The following IL12RB2 variants were observed in gnomAD, a reference collection of about 807,000 sequenced individuals.
The protein encoded by IL12RB2 is interleukin 12 receptor subunit beta 2.
Under a neutral mutation model 89.4 loss-of-function variants are expected in IL12RB2, and 82 were observed. That is an observed-to-expected ratio of 0.92 (90% CI 0.77 to 1.10). The LOEUF is 1.10. Among genes scored for constraint, IL12RB2 ranks in the 50% least tolerant of loss-of-function variants. The pLI, the probability that IL12RB2 is intolerant of heterozygous loss-of-function variation, is 0.00. For missense variants in IL12RB2, 963 were observed against 1,031.9 expected, an observed-to-expected ratio of 0.93 and a Z score of 0.92; for synonymous variants, 368 against 370.1, an observed-to-expected ratio of 0.99 and a Z score of 0.07.
rs1465142208 is a variant in IL12RB2 at position 67,396,072 on chromosome 1, G to A, written c.2572G>A (p.Asp858Asn). Reference sequence around the variant, plus strand: ...TCTGGATCAGTTAAAGATGAGGTGTGACTCCCTCATGCTCTGAGTGGTGAG... The same window carrying A: ...TCTGGATCAGTTAAAGATGAGGTGTAACTCCCTCATGCTCTGAGTGGTGAG... Reference protein sequence around the residue: ...LTLDQLKMRCDSLML With the variant: ...LTLDQLKMRCNSLML The change falls in exon 17 of 17, where the codon GAC becomes AAC. Residue 858 changes from aspartate (D) to asparagine (N), a missense_variant. Asp to Asn is a conservative substitution (Grantham distance 23). Transcript: ENST00000674203. 2 of 1,597,848 alleles carry A rather than the reference G, an allele frequency of 1.3e-6. No individual in the cohort carries two copies. The highest frequency in any genetic ancestry group is 1.7e-6 in the Non-Finnish European group (2 of 1,165,176).
intron 16 of IL12RB2, among the ~76,000 whole-genome samples, chr1:67,394,068 G>A (rs1240320879): frequency 2.6e-5 from 4 of 152,178 alleles, no homozygotes; most frequent in African/African-American, 9.7e-5. Flanking sequence ...GACAGTGGGA[G>A]GCACACACAA....
chr1:67,368,067 C>A, intron 11 of IL12RB2, 42 bp downstream of exon 11: 1 of 1,313,578 alleles, frequency 7.6e-7, no homozygotes, highest in South Asian at 1.2e-5. Context: ...TTACTAAGTT[C>A]ACATTTGTTT....
chr1:67,339,736 G>A (rs1399522294), intron 9 of IL12RB2, among the ~76,000 whole-genome samples: 1 of 152,114 alleles, frequency 6.6e-6, no homozygotes, highest in Non-Finnish European at 1.5e-5. Flanking sequence ...ATGAATGAGT[G>A]AATGAAAAAA....
In IL12RB2 at chr1:67,372,475, A is replaced by G. The variant is rs1189721571; in HGVS notation, c.1499A>G (p.Tyr500Cys). ...KSYICYEIRVYALSGDQGGCS... is the reference protein window; with the variant it reads ...KSYICYEIRVCALSGDQGGCS... ...TACATCTGTTATGAAATCCGTGTGT[A>G]TGCACTCTCAGGGGATCAAGGAGGA... The change falls in exon 12 of 17, where the codon TAT becomes TGT. Residue 500 changes from tyrosine to cysteine, a missense_variant. Coordinates refer to ENST00000674203, the MANE Select transcript of IL12RB2 (RefSeq NM_001374259.2). The G allele has an allele frequency of 6.3e-7, 1 of 1,597,552 alleles. No homozygotes were observed. Among genetic ancestry groups the G allele is most frequent in the South Asian group, 1.1e-5 (1 of 90,736 alleles).
chr1:67,344,948 C>T (rs542417068), intron 9 of IL12RB2, among the ~76,000 whole-genome samples: 4 of 152,078 alleles, frequency 2.6e-5, no homozygotes, highest in East Asian at 3.9e-4. Flanking sequence ...TTTGGGAGGC[C>T]GAGGTGGGAG....
chr1:67,367,462 GGGAAGGAAGGAA>G (rs55681603), intron 10 of IL12RB2, among the ~76,000 whole-genome samples: 1 of 127,290 alleles, frequency 7.9e-6, no homozygotes, highest in African/African-American at 3.1e-5. Context: ...AAAGGAACGA[GGGAAGGAAGGAA>G]GGAAGGAAGG....
intron 7 of IL12RB2, among the ~76,000 whole-genome samples, chr1:67,330,273 T>TA (rs66726768): frequency 1.5e-4 from 23 of 150,510 alleles, no homozygotes; most frequent in Admixed American, 7.9e-4. Flanking sequence ...AGGGTTTTTT[T>TA]AAAAAAAAAA....
In IL12RB2 at chr1:67,391,388, T is replaced by TACATACACAC. The variant is rs1557481878; in HGVS notation, c.2046+1263_2046+1264insTACACACACA. 1.2e-4 allele frequency among the ~76,000 whole-genome samples: 17 copies of TACATACACAC among 144,436 alleles called. 1 individual carries two copies. The highest frequency in any genetic ancestry group is 4.3e-4 in the African/African-American group (17 of 39,216). The allele number at this position is 144,436 out of a possible 152,430, so 94.8% of individuals were successfully genotyped here. A position where few individuals can be genotyped will look rare whatever the true frequency, so the allele number is the denominator to read the frequency against. ...GTGTGTGTGTGTGTGTGTGTGTCTA[T>TACATACACAC]ACACACACACACACACAAACTGCTG... On this transcript the variant is annotated intron_variant, in intron 16 of 16. Coordinates refer to ENST00000674203, the MANE Select transcript of IL12RB2 (RefSeq NM_001374259.2).
At chr1:67,341,241 A>T (rs1659489978) in intron 9 of IL12RB2, among the ~76,000 whole-genome samples, 1 of 152,138 alleles carries the variant, frequency 6.6e-6, no homozygotes, top group Admixed American at 6.5e-5. Flanking sequence ...GACATGGTGA[A>T]ACCCTGTCTC....
At chr1:67,313,730 G>T (rs968631304) in intron 1 of IL12RB2, among the ~76,000 whole-genome samples, 183 bp from the exon 2 acceptor site, 1 of 152,158 alleles carries the variant, frequency 6.6e-6, no homozygotes, top group Non-Finnish European at 1.5e-5. Flanking sequence ...GGAGGTTGAG[G>T]CAAGAGAATC....
At chr1:67,372,838 A>G (rs915561873) in intron 13 of IL12RB2, 55 bp downstream of exon 13, 3 of 1,202,698 alleles carry the variant, frequency 2.5e-6, no homozygotes, top group Non-Finnish European at 3.7e-6. Flanking sequence ...GATGTCAGGA[A>G]AACACAAGGA....
At chr1:67,338,902 G>A (rs1021607492) in intron 9 of IL12RB2, among the ~76,000 whole-genome samples, 199 bp downstream of exon 9, 2 of 152,086 alleles carry the variant, frequency 1.3e-5, no homozygotes, top group Non-Finnish European at 2.9e-5. Flanking sequence ...CAGTCACATC[G>A]TTTCAATCCC....
Position 67,342,761 on chromosome 1 carries a change from C to CTTTTTTTTTT in IL12RB2, c.1038+4065_1038+4074dup, listed in dbSNP as rs71062413. Among the ~76,000 whole-genome samples the CTTTTTTTTTT allele has an allele frequency of 7.3e-5, 10 of 137,166 alleles. 4 individuals carry two copies. Among genetic ancestry groups the CTTTTTTTTTT allele is most frequent in the Non-Finnish European group, 6.3e-5 (4 of 63,968 alleles). The allele number at this position is 137,166 out of a possible 152,430, so 90.0% of individuals were successfully genotyped here. A position where few individuals can be genotyped will look rare whatever the true frequency, so the allele number is the denominator to read the frequency against. ...CTTGTACTACTTTTTAAAATCACACCTTTTTTTTTTTTTTTTGAGACAGGG... is the reference window on the plus strand; with the variant it reads ...CTTGTACTACTTTTTAAAATCACACCTTTTTTTTTTTTTTTTTTTTTTTTTTGAGACAGGG... On this transcript the variant is annotated intron_variant, in intron 9 of 16. Transcript: ENST00000674203.
intron 9 of IL12RB2, among the ~76,000 whole-genome samples, chr1:67,339,270 TGAGGTCAGGGGTTAGA>T (rs1659241528): frequency 6.6e-6 from 1 of 152,118 alleles, no homozygotes; most frequent in African/African-American, 2.4e-5. Flanking sequence ...GCGGATCACT[TGAGGTCAGGGGTTAGA>T]GACCAGCCTG....
chr1:67,344,541 C>A (rs1002867220), intron 9 of IL12RB2, among the ~76,000 whole-genome samples: 8 of 152,200 alleles, frequency 5.3e-5, no homozygotes, highest in Non-Finnish European at 1.2e-4. Flanking sequence ...GATCCTCCTG[C>A]CTCAGCCTCC....
intron 1 of IL12RB2, among the ~76,000 whole-genome samples, chr1:67,311,490 A>G (rs994219738): frequency 6.6e-6 from 1 of 152,206 alleles, no homozygotes; most frequent in Non-Finnish European, 1.5e-5. Context: ...AGATTTTTCT[A>G]TCTGTAGAAT....
chr1:67,321,555 T>C (rs1656527454), intron 3 of IL12RB2, 47 bp from the exon 4 acceptor site: 4 of 1,235,744 alleles, frequency 3.2e-6, no homozygotes, highest in Non-Finnish European at 3.6e-6. Flanking sequence ...CATTTTGAAA[T>C]GGGTTTATTA....
At chr1:67,344,877 T>C (rs1232408925) in intron 9 of IL12RB2, among the ~76,000 whole-genome samples, 9 of 152,028 alleles carry the variant, frequency 5.9e-5, no homozygotes, top group Admixed American at 2.0e-4. Flanking sequence ...TTCAGAGCAA[T>C]ACAGAGAGAG....
At chr1:67,311,015 G>A (rs144160526) in intron 1 of IL12RB2, among the ~76,000 whole-genome samples, 21 of 152,168 alleles carry the variant, frequency 1.4e-4, no homozygotes, top group African/African-American at 4.1e-4. Flanking sequence ...GAGTCACCAC[G>A]TCCGTCCAGT....
Sources: gnomAD v4.1 joint callset for allele counts (sites outside exome capture counted in the v4.1 genomes callset) on GRCh38, gnomAD v4.1.1 for gene constraint, MANE v1.5 for transcripts, NCBI Gene and HGNC (gene_info 2026-07-23, HGNC 2026-07-21) for gene names.